The following MAN1A1 variants were observed in gnomAD, a reference collection of about 807,000 sequenced individuals.
MAN1A1 encodes mannosidase alpha class 1A member 1, also known as mannosyl-oligosaccharide 1,2-alpha-mannosidase IA.
MAN1A1 carries 29 observed loss-of-function variants against 70.8 expected under a neutral mutation model. The observed-to-expected ratio is 0.41, with a 90% CI of 0.31 to 0.56. The LOEUF is 0.56. Ranked by LOEUF, MAN1A1 falls within the 20% of genes least tolerant of loss-of-function variation. The pLI is 0.29. For synonymous variants in MAN1A1, 349 were observed against 330.1 expected (o/e 1.06, Z -0.62); for missense variants, 747 against 841.3 (o/e 0.89, Z 1.39).
At chr6:119,277,052 C>T (rs1032495124) in intron 5 of MAN1A1, among the ~76,000 whole-genome samples, 6 of 152,120 alleles carry the variant, frequency 3.9e-5, no homozygotes, top group African/African-American at 7.2e-5. Context: ...TCAGAGGAAT[C>T]GGATACTTCA....
intron 6 of MAN1A1, among the ~76,000 whole-genome samples, chr6:119,208,350 T>C (rs117374931): frequency 0.015 from 2,348 of 152,310 alleles, 29 homozygotes; most frequent in Non-Finnish European, 0.024. Flanking sequence ...TCTATAAAGG[T>C]AATAAATATT....
intron 6 of MAN1A1, among the ~76,000 whole-genome samples, chr6:119,219,934 A>AT (rs5879490): frequency 0.011 from 1,581 of 148,442 alleles, 15 homozygotes; most frequent in African/African-American, 0.029. Flanking sequence ...TTGTCTGGTG[A>AT]TTTTTTTTTT....
chr6:119,308,039 G>T (rs1045704238), intron 2 of MAN1A1, among the ~76,000 whole-genome samples: 1 of 152,126 alleles, frequency 6.6e-6, no homozygotes, highest in Non-Finnish European at 1.5e-5. Context: ...CAGTTACCAA[G>T]AATCAGTACT....
Position 119,348,823 on chromosome 6 carries a change from C to A in MAN1A1, c.243G>T (p.Gln81His). The A allele has an allele frequency of 1.4e-6, 2 of 1,467,010 alleles. No individual in the cohort carries two copies. The highest frequency in any genetic ancestry group is 1.4e-5 in the African/African-American group (1 of 69,442). The allele number at this position is 1,467,010 out of a possible 1,614,324, so 90.9% of individuals were successfully genotyped here. ...GCCCGGGCTTGTGGTCGGCGGCCGG[C>A]TGCAAGGCGGGGCTGGAGTGGAACA... is the stretch of plus-strand genomic sequence containing the variant. ...GVLFHSSPAL[Q>H]PAADHKPGPG... Residue 81 changes from glutamine to histidine, a missense_variant, in exon 2 of 13, where the codon CAG becomes CAT. Physicochemically the swap from Gln to His is conservative, Grantham distance 24. This residue lies in a region of MAN1A1 where 328 missense variants were observed against 293.1 expected (regional missense o/e 1.12). Transcript: ENST00000368468.
chr6:119,178,561 T>C lies in MAN1A1; in HGVS notation c.*1258A>G, dbSNP rs1773063674. ...GAGAAAACCATTCCTATTTCAAACT[T>C]AATGTTTAAAAGAATCATATATTGA... is the stretch of plus-strand genomic sequence containing the variant. On this transcript the variant is annotated 3_prime_UTR_variant, in exon 13 of 13. Coordinates refer to ENST00000368468, the MANE Select transcript of MAN1A1 (RefSeq NM_005907.4). 1 of 152,100 alleles carries C rather than the reference T, an allele frequency of 6.6e-6. No individual in the cohort carries two copies. The allele number at this position is 152,100 out of a possible 1,614,324, so 9.4% of individuals were successfully genotyped here. A position where few individuals can be genotyped will look rare whatever the true frequency, so the allele number is the denominator to read the frequency against.
chr6:119,314,929 G>T lies in MAN1A1; in HGVS notation c.604-7937C>A, dbSNP rs146571137. 5.6e-4 allele frequency among the ~76,000 whole-genome samples: 85 copies of T among 152,072 alleles called. 1 individual carries two copies. The East Asian group carries it at 0.013, about 24-fold the overall frequency. On this transcript the variant is annotated intron_variant, in intron 2 of 12. Coordinates refer to ENST00000368468, the MANE Select transcript of MAN1A1 (RefSeq NM_005907.4). ...CAGACAAGATGGTGTTGTCCTATTC[G>T]ACCTGGCCTGTCACTAGATTTATGG...
intron 11 of MAN1A1, among the ~76,000 whole-genome samples, chr6:119,181,825 C>T (rs1391382105): frequency 6.6e-6 from 1 of 152,182 alleles, no homozygotes; most frequent in East Asian, 1.9e-4. Context: ...TGTGGATATA[C>T]ACCATCTTCT....
At chr6:119,223,651 C>T (rs981709112) in intron 6 of MAN1A1, among the ~76,000 whole-genome samples, 1 of 151,968 alleles carries the variant, frequency 6.6e-6, no homozygotes, top group African/African-American at 2.4e-5. Context: ...GTTTGGATAT[C>T]TAAAAACGGG....
At chr6:119,250,091 T>C (rs1235317218) in intron 5 of MAN1A1, among the ~76,000 whole-genome samples, 1 of 152,144 alleles carries the variant, frequency 6.6e-6, no homozygotes, top group Non-Finnish European at 1.5e-5. Context: ...GAAAAAAAAG[T>C]AGAGCAAAGG....
At chr6:119,185,410 C>T (rs542762688) in intron 11 of MAN1A1, among the ~76,000 whole-genome samples, 4 of 152,130 alleles carry the variant, frequency 2.6e-5, no homozygotes, top group African/African-American at 9.6e-5. Flanking sequence ...TCAAGTGTAT[C>T]AGTGAAAGAA....
intron 11 of MAN1A1, among the ~76,000 whole-genome samples, chr6:119,182,327 T>G (rs1483805355): frequency 6.6e-6 from 1 of 152,204 alleles, no homozygotes; most frequent in African/African-American, 2.4e-5. Context: ...GTTGATTGTT[T>G]CCTTTGCTGT....
chr6:119,270,764 C>G (rs554490700), intron 5 of MAN1A1, among the ~76,000 whole-genome samples: 1 of 152,304 alleles, frequency 6.6e-6, no homozygotes, highest in East Asian at 1.9e-4. Context: ...CTCATTCTCA[C>G]CACGGCTGCC....
chr6:119,293,956 A>G (rs1013852525), intron 4 of MAN1A1, among the ~76,000 whole-genome samples: 1 of 152,092 alleles, frequency 6.6e-6, no homozygotes, highest in African/African-American at 2.4e-5. Context: ...ATGTAAAGCA[A>G]TGTACACAAT....
intron 5 of MAN1A1, among the ~76,000 whole-genome samples, chr6:119,277,949 A>AGT: frequency 8.8e-5 from 12 of 136,452 alleles, no homozygotes; most frequent in Non-Finnish European, 1.9e-4. Context: ...AAAAAAAAAA[A>AGT]AAAAAAAAAG....
chr6:119,264,679 C>A (rs930119391), intron 5 of MAN1A1, among the ~76,000 whole-genome samples: 11 of 152,084 alleles, frequency 7.2e-5, no homozygotes, highest in African/African-American at 2.7e-4. Context: ...ATTTATGAGG[C>A]CAAGAATGAA....
chr6:119,229,851 C>T (rs1467591526), intron 6 of MAN1A1, among the ~76,000 whole-genome samples: 1 of 152,184 alleles, frequency 6.6e-6, no homozygotes, highest in African/African-American at 2.4e-5. Context: ...AATTGTGAAC[C>T]TGAACCCATT....
At chr6:119,222,175 T>A (rs1774380623) in intron 6 of MAN1A1, among the ~76,000 whole-genome samples, 2 of 152,180 alleles carry the variant, frequency 1.3e-5, no homozygotes. Context: ...GAGTTCATTT[T>A]TGCTACAGTA....
At chr6:119,235,985 A>G (rs1051326067) in intron 6 of MAN1A1, among the ~76,000 whole-genome samples, 1 of 152,072 alleles carries the variant, frequency 6.6e-6, no homozygotes, top group Admixed American at 6.6e-5. Flanking sequence ...TAAAAATACA[A>G]AAAATTAACC....
At chr6:119,320,521 C>T (rs1037600154) in intron 2 of MAN1A1, among the ~76,000 whole-genome samples, 2 of 151,848 alleles carry the variant, frequency 1.3e-5, no homozygotes, top group Non-Finnish European at 2.9e-5. Flanking sequence ...ACAGTGACAA[C>T]TGTGTAATAA....
Sources: allele counts gnomAD v4.1 joint callset (sites outside exome capture counted in the v4.1 genomes callset), GRCh38; gene constraint gnomAD v4.1.1; regional missense constraint gnomAD v4.1.1; transcripts MANE v1.5; gene names NCBI Gene and HGNC (gene_info 2026-07-23, HGNC 2026-07-21).